SHROOM4: variants seen among roughly 807,000 people sequenced by gnomAD.
The protein encoded by SHROOM4 is shroom family member 4.
In SHROOM4, 17 loss-of-function variants were observed where a neutral mutation model predicts 80.3. The observed-to-expected ratio is 0.21, with a 90% CI of 0.14 to 0.32. SHROOM4 has a LOEUF of 0.32. SHROOM4 is among the 10% of genes least tolerant of loss of function. The probability of loss-of-function intolerance (pLI) is 1.00; values close to 1 mark genes in which losing one functional copy is unlikely to be tolerated. For missense variants in SHROOM4, 993 were observed against 1,140.3 expected (o/e 0.87, Z 1.86); for synonymous variants, 400 against 437.5 (o/e 0.91, Z 1.07).
intron 1 of SHROOM4, among the ~76,000 whole-genome samples, chrX:50,720,864 G>A: frequency 8.9e-6 from 1 of 112,009 alleles, no homozygotes. Context: ...AAAAAAAAAT[G>A]TTCAAGAAAG....
At chrX:50,577,908 C>T in the SHROOM4 span, among the ~76,000 whole-genome samples, 2 of 111,768 alleles carry the variant, frequency 1.8e-5, no homozygotes, top group Non-Finnish European at 3.8e-5. Flanking sequence ...GATACCCCCC[C>T]AGCACTGCTT....
chrX:50,601,290 T>C (rs1288350867), intron 7 of SHROOM4, among the ~76,000 whole-genome samples: 1 of 112,360 alleles, frequency 8.9e-6, no homozygotes, highest in Non-Finnish European at 1.9e-5. Flanking sequence ...ACTTCTAGGT[T>C]TGCCCCTGCA....
intron 2 of SHROOM4, among the ~76,000 whole-genome samples, chrX:50,688,038 G>A (rs1253800261): frequency 1.8e-5 from 2 of 110,499 alleles, no homozygotes; most frequent in African/African-American, 6.6e-5. Flanking sequence ...CCTCTATAGA[G>A]CCAAATAAAT....
chrX:50,683,255 T>C (rs1932982420), intron 2 of SHROOM4, among the ~76,000 whole-genome samples: 1 of 111,746 alleles, frequency 8.9e-6, no homozygotes, highest in Non-Finnish European at 1.9e-5. Context: ...TATAAGCAGT[T>C]GAATGTGGCC....
chrX:50,622,237 G>C (rs1256596313), intron 5 of SHROOM4, among the ~76,000 whole-genome samples: 1 of 111,280 alleles, frequency 9.0e-6, no homozygotes, highest in Non-Finnish European at 1.9e-5. Flanking sequence ...TCAGTAAAAC[G>C]GGAAAAATAA....
In SHROOM4 at chrX:50,635,336, C is replaced by A; in HGVS notation, c.737G>T (p.Gly246Val). Reference sequence around the variant, plus strand: ...CATCTGAGAGCTGGGGGTCAGGTGGCCCCCATTGGTGCGCCGACTACCTCC... The same window carrying A: ...CATCTGAGAGCTGGGGGTCAGGTGGACCCCATTGGTGCGCCGACTACCTCC... ...TSGGSRRTNG[G>V]HLTPSSQMSS... is the part of the protein sequence containing the mutation. The change falls in exon 4 of 9, where the codon GGC becomes GTC. Residue 246 changes from glycine (G) to valine (V), a missense_variant. By Grantham distance (109) the Gly-to-Val change is moderately radical (BLOSUM62 -3). Transcript: ENST00000376020. The A allele has an allele frequency of 1.7e-6, 2 of 1,202,097 alleles. No individual in the cohort carries two copies. The highest frequency in any genetic ancestry group is 2.2e-6 in the Non-Finnish European group (2 of 890,595).
chrX:50,686,257 G>A (rs1933070629), intron 2 of SHROOM4, among the ~76,000 whole-genome samples: 1 of 110,280 alleles, frequency 9.1e-6, no homozygotes, highest in Non-Finnish European at 1.9e-5. Flanking sequence ...GGATGGTCGC[G>A]ATCTCCTGAT....
intron 1 of SHROOM4, among the ~76,000 whole-genome samples, chrX:50,774,029 ATC>A (rs1251444226): frequency 1.8e-5 from 2 of 111,936 alleles, no homozygotes; most frequent in Non-Finnish European, 3.8e-5. Context: ...AGGCAATGTC[ATC>A]TCTCTTTTGA....
At chrX:50,757,316 TC>T (rs1483574600) in intron 1 of SHROOM4, among the ~76,000 whole-genome samples, 7 of 112,263 alleles carry the variant, frequency 6.2e-5, no homozygotes, top group South Asian at 3.7e-4. Flanking sequence ...AAGGCTTATT[TC>T]TGGGATCTCA....
intron 2 of SHROOM4, among the ~76,000 whole-genome samples, chrX:50,652,123 G>T (rs1011224179): frequency 1.8e-5 from 2 of 111,805 alleles, no homozygotes; most frequent in Non-Finnish European, 3.8e-5. Flanking sequence ...AGATCAAACG[G>T]TATTTCTGGT....
chrX:50,731,525 A>G (rs1456916569), intron 1 of SHROOM4, among the ~76,000 whole-genome samples: 3 of 112,235 alleles, frequency 2.7e-5, no homozygotes, highest in Non-Finnish European at 1.9e-5. Flanking sequence ...CACTCATGGA[A>G]GAGAGGATCT....
intron 1 of SHROOM4, among the ~76,000 whole-genome samples, chrX:50,783,355 T>G (rs1049288592): frequency 8.9e-6 from 1 of 111,891 alleles, no homozygotes; most frequent in Admixed American, 9.5e-5. Context: ...TACTTAGAGA[T>G]AAATTTGGCA....
intron 1 of SHROOM4, among the ~76,000 whole-genome samples, chrX:50,770,314 G>A (rs782039081): frequency 1.8e-5 from 2 of 112,098 alleles, no homozygotes; most frequent in East Asian, 5.6e-4. Context: ...TATGTACACA[G>A]GTTTGCTTAC....
chrX:50,620,007 C>T (rs1393718828), intron 5 of SHROOM4, among the ~76,000 whole-genome samples: 1 of 111,361 alleles, frequency 9.0e-6, no homozygotes, highest in Non-Finnish European at 1.9e-5. Flanking sequence ...AAACCCAATT[C>T]TAGCTAGCAG....
intron 5 of SHROOM4, among the ~76,000 whole-genome samples, chrX:50,619,872 G>A (rs1557251688): frequency 9.0e-6 from 1 of 110,541 alleles, no homozygotes; most frequent in Non-Finnish European, 1.9e-5. Context: ...ATTGGTGGGG[G>A]TGTGTGTGAG....
At chrX:50,780,740 G>A (rs1447192945) in intron 1 of SHROOM4, among the ~76,000 whole-genome samples, 2 of 111,524 alleles carry the variant, frequency 1.8e-5, no homozygotes, top group African/African-American at 3.3e-5. Context: ...ATTTATAGCT[G>A]GATATAAGAG....
At chrX:50,754,205 C>G (rs1934987002) in intron 1 of SHROOM4, among the ~76,000 whole-genome samples, 1 of 111,598 alleles carries the variant, frequency 9.0e-6, no homozygotes, top group African/African-American at 3.3e-5. Flanking sequence ...GTGTTGGTTC[C>G]TCATGGATCT....
intron 1 of SHROOM4, among the ~76,000 whole-genome samples, chrX:50,723,798 A>C (rs782783893): frequency 1.8e-5 from 2 of 111,226 alleles, no homozygotes; most frequent in Non-Finnish European, 3.8e-5. Context: ...TGTTGTGGGT[A>C]TTGACGGCCA....
At chrX:50,614,719 A>T (rs1490994685) in intron 5 of SHROOM4, among the ~76,000 whole-genome samples, 1 of 112,241 alleles carries the variant, frequency 8.9e-6, no homozygotes, top group African/African-American at 3.2e-5. Context: ...ACTTCTAGGG[A>T]TTTATCCTAC....
Sources: allele counts gnomAD v4.1 joint callset (sites outside exome capture counted in the v4.1 genomes callset), GRCh38; gene constraint gnomAD v4.1.1; transcripts MANE v1.5; gene names NCBI Gene and HGNC (gene_info 2026-07-23, HGNC 2026-07-21).